Variants in ADAMTSL1 observed in about 807,000 individuals in gnomAD.
ADAMTSL1 encodes the protein ADAMTS-like protein 1.
In ADAMTSL1, 126 loss-of-function variants were observed where a neutral mutation model predicts 201.8. The observed-to-expected ratio is 0.62, with a 90% CI of 0.54 to 0.72. The LOEUF (loss-of-function observed/expected upper bound fraction) is 0.72, where lower values mean the gene tolerates loss of function less well. Ranked by LOEUF, ADAMTSL1 falls within the 30% of genes least tolerant of loss-of-function variation. ADAMTSL1 has a pLI of 0.00. For missense variants in ADAMTSL1, 2,679 were observed against 2,277.8 expected (o/e 1.18, Z -3.59); for synonymous variants, 1,121 against 903.4 (o/e 1.24, Z -4.32).
At chr9:18,381,749 C>A (rs1587024414) in intron 2 of ADAMTSL1, among the ~76,000 whole-genome samples, 1 of 152,054 alleles carries the variant, frequency 6.6e-6, no homozygotes, top group East Asian at 1.9e-4. Context: ...ATTTTTAAAA[C>A]TATGTATCAC....
chr9:18,792,433 C>T (rs145055897), intron 19 of ADAMTSL1, among the ~76,000 whole-genome samples: 1 of 152,316 alleles, frequency 6.6e-6, no homozygotes, highest in East Asian at 1.9e-4. Context: ...GAACTATCTT[C>T]TAGCCTCCTG....
chr9:18,493,967 G>A (rs1422711687), intron 1 of ADAMTSL1, among the ~76,000 whole-genome samples: 1 of 152,208 alleles, frequency 6.6e-6, no homozygotes, highest in Non-Finnish European at 1.5e-5. Context: ...GAAGCACACA[G>A]TCCACTTCTG....
intron 1 of ADAMTSL1, among the ~76,000 whole-genome samples, chr9:18,054,126 C>T (rs1303415190): frequency 1.3e-5 from 2 of 151,948 alleles, no homozygotes; most frequent in Non-Finnish European, 2.9e-5. Context: ...TCTGATTATA[C>T]AGGAAATATA....
At chr9:17,938,762 T>C (rs114197213) in intron 1 of ADAMTSL1, among the ~76,000 whole-genome samples, 1,868 of 152,282 alleles carry the variant, frequency 0.012, 41 homozygotes, top group African/African-American at 0.043. Flanking sequence ...AACTCTGGGA[T>C]TGGTGACCAT....
chr9:18,141,708 T>C (rs1009456234), intron 1 of ADAMTSL1, among the ~76,000 whole-genome samples: 1 of 152,144 alleles, frequency 6.6e-6, no homozygotes, highest in Non-Finnish European at 1.5e-5. Flanking sequence ...GGATTAATGG[T>C]ATATTCCTCA....
chr9:18,012,040 G>C (rs1448880949), intron 1 of ADAMTSL1, among the ~76,000 whole-genome samples: 1 of 152,012 alleles, frequency 6.6e-6, no homozygotes, highest in Non-Finnish European at 1.5e-5. Flanking sequence ...AGAGTAAGAA[G>C]GTTCCTTCCA....
At chr9:18,600,441 T>G (rs1165391030) in intron 4 of ADAMTSL1, among the ~76,000 whole-genome samples, 1 of 152,194 alleles carries the variant, frequency 6.6e-6, no homozygotes, top group African/African-American at 2.4e-5. Context: ...TAGCCTGTGC[T>G]TTTTATTTTA....
intron 19 of ADAMTSL1, among the ~76,000 whole-genome samples, chr9:18,788,993 A>T (rs569944871): frequency 6.6e-6 from 1 of 152,156 alleles, no homozygotes. Flanking sequence ...GTAGTTGCCA[A>T]CCCAACGTGC....
intron 1 of ADAMTSL1, among the ~76,000 whole-genome samples, chr9:18,021,827 C>A (rs1212248866): frequency 6.6e-6 from 1 of 152,202 alleles, no homozygotes; most frequent in East Asian, 1.9e-4. Context: ...CATTCTTAAT[C>A]TTTCCTGTTT....
intron 13 of ADAMTSL1, among the ~76,000 whole-genome samples, chr9:18,689,095 C>T (rs1291201061): frequency 2.0e-5 from 3 of 151,986 alleles, no homozygotes; most frequent in Admixed American, 6.6e-5. Context: ...TTTTTGGAAA[C>T]TCTCAAAAGT....
chr9:18,502,232 C>T (rs1192605393), intron 1 of ADAMTSL1, among the ~76,000 whole-genome samples: 5 of 152,196 alleles, frequency 3.3e-5, no homozygotes, highest in Admixed American at 3.3e-4. Context: ...TTTGTAATCA[C>T]TCATTTCAAT....
chr9:18,336,734 T>C (rs1472469501), intron 2 of ADAMTSL1, among the ~76,000 whole-genome samples: 1 of 152,166 alleles, frequency 6.6e-6, no homozygotes, highest in Non-Finnish European at 1.5e-5. Context: ...TTAGTGGCAC[T>C]GTTTGACAGT....
At chr9:18,723,166 G>C in intron 15 of ADAMTSL1, 3 of 718,342 alleles carry the variant, frequency 4.2e-6, no homozygotes. Flanking sequence ...AAGTGAACTG[G>C]TTGTACCTGA....
intron 1 of ADAMTSL1, among the ~76,000 whole-genome samples, chr9:18,146,669 C>T (rs1323124499): frequency 6.6e-6 from 1 of 152,082 alleles, no homozygotes. Context: ...TTTGTTAACA[C>T]AGGCTATCTG....
intron 1 of ADAMTSL1, among the ~76,000 whole-genome samples, chr9:17,998,495 C>T (rs546597272): frequency 5.3e-5 from 8 of 151,924 alleles, no homozygotes; most frequent in African/African-American, 1.4e-4. Context: ...ACAGATAAAG[C>T]GGTATTAATT....
chr9:18,422,249 AT>A (rs1309724687), intron 2 of ADAMTSL1, among the ~76,000 whole-genome samples: 1 of 152,272 alleles, frequency 6.6e-6, no homozygotes, highest in East Asian at 1.9e-4. Flanking sequence ...CACTTTGTAA[AT>A]TTGGATGAGG....
chr9:18,681,695 T>TGTGTG (rs1554728650), intron 11 of ADAMTSL1, 117 bp from the exon 12 acceptor site: 1 of 287,152 alleles, frequency 3.5e-6, no homozygotes, highest in Non-Finnish European at 5.4e-6. Flanking sequence ...GGAGTCCTCG[T>TGTGTG]GTGGGGGGGG....
At chr9:18,753,271 T>G in intron 15 of ADAMTSL1, 27 bp from the exon 16 acceptor site, 1 of 1,591,858 alleles carries the variant, frequency 6.3e-7, no homozygotes, top group East Asian at 2.3e-5. Context: ...TAAGGGTGTG[T>G]CCTCTTCCTC....
intron 21 of ADAMTSL1, among the ~76,000 whole-genome samples, chr9:18,819,820 T>A (rs527666505): frequency 1.3e-5 from 2 of 152,376 alleles, no homozygotes; most frequent in South Asian, 4.1e-4. Flanking sequence ...TCAAAGTAGG[T>A]GGGAAAGAGC....
Sources: gnomAD v4.1 joint callset for allele counts (sites outside exome capture counted in the v4.1 genomes callset) on GRCh38, gnomAD v4.1.1 for gene constraint, MANE v1.5 for transcripts, NCBI Gene and HGNC (gene_info 2026-07-23, HGNC 2026-07-21) for gene names.